CNNM1: variants seen among roughly 807,000 people sequenced by gnomAD.
CNNM1 encodes metal transporter CNNM1.
A neutral mutation model predicts 78.8 loss-of-function variants in CNNM1; 44 were observed. That is an observed-to-expected ratio of 0.56 (90% CI 0.44 to 0.72). The LOEUF is 0.72. Among genes scored for constraint, CNNM1 ranks in the 30% least tolerant of loss-of-function variants. The pLI is 0.00. For synonymous variants in CNNM1, 584 were observed against 581.5 expected (o/e 1.00, Z -0.06); for missense variants, 1,101 against 1,292.2 (o/e 0.85, Z 2.27).
rs765815376 is a variant in CNNM1 at position 99,330,972 on chromosome 10, T to C, written c.1573+12T>C. On this transcript the variant is annotated intron_variant, in intron 1 of 10. Transcript: ENST00000356713. ...GGAGTTTAAGAAGGGTGAGCAGTAGTCTATCTTCTCCCCCAACTCCTATCC... is the reference window on the plus strand; with the variant it reads ...GGAGTTTAAGAAGGGTGAGCAGTAGCCTATCTTCTCCCCCAACTCCTATCC... The C allele has an allele frequency of 2.1e-5, 33 of 1,597,072 alleles. No homozygotes were observed. Among genetic ancestry groups the C allele is most frequent in the Admixed American group, 3.4e-5 (2 of 59,252 alleles).
Position 99,329,904 on chromosome 10 carries a change from G to C in CNNM1, c.517G>C (p.Glu173Gln). 4 of 1,387,496 alleles carry C rather than the reference G, an allele frequency of 2.9e-6. No homozygotes were observed. Among genetic ancestry groups the C allele is most frequent in the Non-Finnish European group, 3.7e-6 (4 of 1,078,616 alleles). The allele number at this position is 1,387,496 out of a possible 1,614,324, so 85.9% of individuals were successfully genotyped here. A position where few individuals can be genotyped will look rare whatever the true frequency, so the allele number is the denominator to read the frequency against. The change falls in exon 1 of 11, where the codon GAG becomes CAG. Residue 173 changes from glutamate to glutamine, a missense_variant. Around this residue, in one of 3 missense-constraint regions of CNNM1, gnomAD observed 476 missense variants for 484.5 expected, o/e 0.98. Coordinates refer to ENST00000356713, the MANE Select transcript of CNNM1 (RefSeq NM_020348.3). ...GCGGGAGCTGCGCAAGGGCGAAGCG[G>C]AGCGGGGCGGCGCGGGCGGTGGCGG... ...RVRELRKGEA[E>Q]RGGAGGGGKL...
chr10:99,329,842 G>A lies in CNNM1; in HGVS notation c.455G>A (p.Gly152Glu), dbSNP rs1198203644. 2.1e-6 allele frequency: 3 copies of A among 1,420,098 alleles called. No homozygotes were observed. The East Asian group carries it at 8.9e-5, about 42-fold the overall frequency. The allele number at this position is 1,420,098 out of a possible 1,614,324, so 88.0% of individuals were successfully genotyped here. ...GAAGTCCTGGGGCCCTTGCGTCCCG[G>A]GGGCGTGGCAGGCTCGGCCCTGGTC... ...DVEVLGPLRP[G>E]GVAGSALVQV... The change falls in exon 1 of 11, where the codon GGG becomes GAG. Residue 152 changes from glycine (G) to glutamate (E), a missense_variant. Physicochemically the swap from Gly to Glu is moderately conservative, Grantham distance 98. Transcript: ENST00000356713.
At chr10:99,371,151 G>A (rs944471869) in intron 6 of CNNM1, among the ~76,000 whole-genome samples, 5 of 152,140 alleles carry the variant, frequency 3.3e-5, no homozygotes, top group African/African-American at 1.2e-4. Context: ...TGCTAATTAC[G>A]AATCTGGTGC....
Position 99,388,153 on chromosome 10 carries a change from C to T in CNNM1, c.2526C>T (p.Cys842=), listed in dbSNP as rs996972747. 2 of 1,613,646 alleles carry T rather than the reference C, an allele frequency of 1.2e-6. No individual in the cohort carries two copies. Among genetic ancestry groups the T allele is most frequent in the African/African-American group, 2.7e-5 (2 of 74,934 alleles). The part of the protein sequence containing the change: ...TLLNNRNSLP[C]SRSDGLRSPS... Reference sequence around the variant, plus strand: ...TGATGCACTCACTGTCCTCCCCAGGCAGCCGCTCAGACGGGCTGAGAAGCC... The same window carrying T: ...TGATGCACTCACTGTCCTCCCCAGGTAGCCGCTCAGACGGGCTGAGAAGCC... Residue 842 remains cysteine (C), a splice_region_variant and synonymous_variant, in exon 9 of 11, where the codon TGC becomes TGT. Transcript: ENST00000356713.
At chr10:99,337,341 A>G (rs2030234942) in intron 1 of CNNM1, among the ~76,000 whole-genome samples, 1 of 152,218 alleles carries the variant, frequency 6.6e-6, no homozygotes, top group African/African-American at 2.4e-5. Context: ...GGCAGCCAGC[A>G]ATGCACTCAT....
chr10:99,356,554 C>A (rs534753631), intron 1 of CNNM1, among the ~76,000 whole-genome samples: 3,853 of 44,168 alleles, frequency 0.087, 202 homozygotes, highest in African/African-American at 0.18. Context: ...GACAGACAGA[C>A]AGACAGACAG....
Position 99,368,566 on chromosome 10 carries a change from G to A in CNNM1, c.2176+3564G>A, listed in dbSNP as rs929238398. The A allele has an allele frequency of 3.4e-6, 4 of 1,180,056 alleles. No homozygotes were observed. The African/African-American group carries it at 6.3e-5, about 19-fold the overall frequency. 73.1% of individuals were successfully genotyped at this position (1,180,056 alleles called of 1,614,324 possible). A position where few individuals can be genotyped will look rare whatever the true frequency, so the allele number is the denominator to read the frequency against. On this transcript the variant is annotated intron_variant, in intron 6 of 10. Transcript: ENST00000356713. ...TTGTTCTTTGTCTCTTTCCTTTTGT[G>A]TTTATATCTTCCCTTTCGCAACTCA...
chr10:99,329,961 C>T lies in CNNM1; in HGVS notation c.574C>T (p.Arg192Cys). The change falls in exon 1 of 11, where the codon CGC (arginine) becomes TGC (cysteine). Residue 192 changes from arginine to cysteine, a missense_variant. This residue lies in a region of CNNM1 where 476 missense variants were observed against 484.5 expected (regional missense o/e 0.98). Coordinates refer to ENST00000356713, the MANE Select transcript of CNNM1 (RefSeq NM_020348.3). ...CTTTTCACTCTGCGCCTGGGATGGG[C>T]GCGCGTGGCACCACCACGGCGCCGC... Reference protein sequence around the residue: ...KLFSLCAWDGRAWHHHGAAGG... With the variant: ...KLFSLCAWDGCAWHHHGAAGG... 1.4e-6 allele frequency: 2 copies of T among 1,385,414 alleles called. No homozygotes were observed. The highest frequency in any genetic ancestry group is 3.0e-5 in the East Asian group (1 of 33,514). 85.8% of individuals were successfully genotyped at this position (1,385,414 alleles called of 1,614,324 possible).
intron 7 of CNNM1, among the ~76,000 whole-genome samples, chr10:99,382,549 G>A (rs540593897): frequency 5.9e-5 from 9 of 152,234 alleles, no homozygotes; most frequent in Non-Finnish European, 1.0e-4. Context: ...AATCACTTGA[G>A]GCCAGGAGTG....
At chr10:99,368,926 G>T (rs1401470730) in intron 6 of CNNM1, among the ~76,000 whole-genome samples, 1 of 152,190 alleles carries the variant, frequency 6.6e-6, no homozygotes, top group Non-Finnish European at 1.5e-5. Flanking sequence ...AAATGGTGGG[G>T]GTGAGGGATA....
intron 1 of CNNM1, among the ~76,000 whole-genome samples, chr10:99,357,007 G>A (rs915042166): frequency 8.5e-5 from 13 of 152,172 alleles, no homozygotes; most frequent in African/African-American, 1.4e-4. Context: ...ACACCTCTCC[G>A]TGGGAGGCAT....
In CNNM1 at chr10:99,357,538, C is replaced by T. The variant is rs760156317; in HGVS notation, c.1600C>T (p.Arg534Trp). The T allele has an allele frequency of 3.1e-6, 5 of 1,613,292 alleles. No homozygotes were observed. Among genetic ancestry groups the T allele is most frequent in the East Asian group, 2.2e-5 (1 of 44,890 alleles). ...AAAATCTCACCTGGCCATTGTCCAG[C>T]GGGTGAATAATGAGGGAGAAGGGGA... Reference protein sequence around the residue: ...KGKSHLAIVQRVNNEGEGDPF... With the variant: ...KGKSHLAIVQWVNNEGEGDPF... The change falls in exon 2 of 11, where the codon CGG becomes TGG. Residue 534 changes from arginine (R) to tryptophan (W), a missense_variant. By Grantham distance (101) the Arg-to-Trp change is moderately radical (BLOSUM62 -3). This residue lies in a region of CNNM1 where 277 missense variants were observed against 423.2 expected (regional missense o/e 0.65). Coordinates refer to ENST00000356713, the MANE Select transcript of CNNM1 (RefSeq NM_020348.3).
chr10:99,351,037 AAAAGC>A (rs2030926974), intron 1 of CNNM1, among the ~76,000 whole-genome samples: 1 of 152,222 alleles, frequency 6.6e-6, no homozygotes, highest in South Asian at 2.1e-4. Context: ...CCACTGCTTT[AAAAGC>A]AATGCCTGAA....
At position 99,330,524 on chromosome 10, in the gene CNNM1, G is replaced by A; in HGVS notation, c.1137G>A (p.Leu379=). ...AFPVCYPLGR[L]LDWALRQEIS... ...CCGTGTGCTACCCGCTGGGCCGCCT[G>A]CTGGACTGGGCGCTGCGCCAGGAGA... The change falls in exon 1 of 11, where the codon CTG becomes CTA. Residue 379 remains leucine, a synonymous_variant. Coordinates refer to ENST00000356713, the MANE Select transcript of CNNM1 (RefSeq NM_020348.3). 1 of 1,590,102 alleles carries A rather than the reference G, an allele frequency of 6.3e-7. No individual in the cohort carries two copies. The highest frequency in any genetic ancestry group is 1.1e-5 in the South Asian group (1 of 87,868).
At chr10:99,340,098 T>G (rs897061438) in intron 1 of CNNM1, among the ~76,000 whole-genome samples, 2 of 152,206 alleles carry the variant, frequency 1.3e-5, no homozygotes, top group African/African-American at 4.8e-5. Flanking sequence ...CCATTGTATA[T>G]AGAGAGAAAG....
At chr10:99,363,239 T>A (rs1054117618) in intron 4 of CNNM1, among the ~76,000 whole-genome samples, 1 of 152,234 alleles carries the variant, frequency 6.6e-6, no homozygotes, top group Non-Finnish European at 1.5e-5. Flanking sequence ...GCCTCTCTGC[T>A]CTGTCACTGT....
At chr10:99,382,385 T>C (rs983630244) in intron 7 of CNNM1, among the ~76,000 whole-genome samples, 1 of 152,202 alleles carries the variant, frequency 6.6e-6, no homozygotes, top group Non-Finnish European at 1.5e-5. Flanking sequence ...CTACGTAACC[T>C]TGACCAAGAT....
At chr10:99,381,919 C>T (rs1421977905) in intron 7 of CNNM1, among the ~76,000 whole-genome samples, 2 of 151,108 alleles carry the variant, frequency 1.3e-5, no homozygotes, top group African/African-American at 4.9e-5. Flanking sequence ...TGAAAATTAC[C>T]TCCTCCTGAT....
At chr10:99,350,690 A>G (rs1430771910) in intron 1 of CNNM1, among the ~76,000 whole-genome samples, 1 of 152,120 alleles carries the variant, frequency 6.6e-6, no homozygotes, top group Non-Finnish European at 1.5e-5. Context: ...TAGGTTTGTT[A>G]CATAGGTAAA....
Sources: allele counts gnomAD v4.1 joint callset (sites outside exome capture counted in the v4.1 genomes callset), GRCh38; gene constraint gnomAD v4.1.1; regional missense constraint gnomAD v4.1.1; transcripts MANE v1.5; gene names NCBI Gene and HGNC (gene_info 2026-07-23, HGNC 2026-07-21).